The following CSNK1A1 variants were observed in gnomAD, a reference collection of about 807,000 sequenced individuals.
CSNK1A1 encodes the protein casein kinase I isoform alpha.
CSNK1A1 carries 7 observed loss-of-function variants against 46.1 expected under a neutral mutation model. That is an observed-to-expected ratio of 0.15 (90% CI 0.09 to 0.29). CSNK1A1 has a LOEUF of 0.29. CSNK1A1 is among the 10% of genes least tolerant of loss of function. The probability of loss-of-function intolerance (pLI) is 1.00; values close to 1 mark genes in which losing one functional copy is unlikely to be tolerated. For synonymous variants in CSNK1A1, 137 were observed against 141.5 expected (o/e 0.97, Z 0.23); for missense variants, 96 against 417.1 (o/e 0.23, Z 6.71).
At position 149,514,354 on chromosome 5, in the gene CSNK1A1, G is replaced by T. The variant is rs79933543; in HGVS notation, c.457-1145C>A. On this transcript the variant is annotated intron_variant, in intron 4 of 9. Transcript: ENST00000377843. The stretch of plus-strand genomic sequence containing the variant: ...AGTAAATAACTATTTTTATGAAAAA[G>T]AAATCCAAAACATATTCATATTTAC... 8.2e-3 allele frequency among the ~76,000 whole-genome samples: 1,252 copies of T among 152,218 alleles called. 12 individuals carry two copies. The highest frequency in any genetic ancestry group is 0.023 in the African/African-American group (965 of 41,546).
At chr5:149,526,368 C>A (rs1166092859) in intron 2 of CSNK1A1, among the ~76,000 whole-genome samples, 1 of 152,126 alleles carries the variant, frequency 6.6e-6, no homozygotes, top group Non-Finnish European at 1.5e-5. Flanking sequence ...AGTCTCCCTA[C>A]GTTGCCCAGG....
intron 6 of CSNK1A1, among the ~76,000 whole-genome samples, chr5:149,510,916 T>C (rs1237761253): frequency 2.0e-5 from 3 of 152,230 alleles, no homozygotes; most frequent in South Asian, 2.1e-4. Flanking sequence ...AAACTAAAAA[T>C]ACTCATATTA....
intron 2 of CSNK1A1, among the ~76,000 whole-genome samples, chr5:149,544,291 C>A (rs1022841154): frequency 3.3e-5 from 5 of 151,968 alleles, no homozygotes; most frequent in Non-Finnish European, 5.9e-5. Flanking sequence ...TGTAGATGAC[C>A]CAGTCAATAT....
intron 2 of CSNK1A1, among the ~76,000 whole-genome samples, chr5:149,546,055 ATT>A (rs778357270): frequency 1.4e-5 from 2 of 141,452 alleles, no homozygotes; most frequent in Non-Finnish European, 1.6e-5. Flanking sequence ...CACCAGGCTA[ATT>A]TTTTTTTTTT....
chr5:149,538,111 C>T (rs1168922828), intron 2 of CSNK1A1, among the ~76,000 whole-genome samples: 1 of 150,936 alleles, frequency 6.6e-6, no homozygotes, highest in Non-Finnish European at 1.5e-5. Context: ...CAACCTCCGC[C>T]TCCCAGGTTC....
rs938068966 is a variant in CSNK1A1 at position 149,551,198 on chromosome 5, C to G, written c.-234G>C. ...TTTGTGAAGGGCTTCTCGGCGGTTACCAGGCTGGGCCACTTGTTTCTCGGC... is the reference window on the plus strand; with the variant it reads ...TTTGTGAAGGGCTTCTCGGCGGTTAGCAGGCTGGGCCACTTGTTTCTCGGC... On this transcript the variant is annotated 5_prime_UTR_variant, in exon 1 of 10. Transcript: ENST00000377843. The G allele has an allele frequency of 5.5e-6, 2 of 364,864 alleles. No homozygotes were observed. Among genetic ancestry groups the G allele is most frequent in the African/African-American group, 4.2e-5 (2 of 47,254 alleles). 22.6% of individuals were successfully genotyped at this position (364,864 alleles called of 1,614,324 possible).
In CSNK1A1 at chr5:149,493,464, T is replaced by A. The variant is rs1383401501; in HGVS notation, c.*3389A>T. ...ATCCCAGGAGCCATTATTACTCTACTTTTGAGTATGTCCTCAAAACTGGTC... is the reference window on the plus strand; with the variant it reads ...ATCCCAGGAGCCATTATTACTCTACATTTGAGTATGTCCTCAAAACTGGTC... On this transcript the variant is annotated 3_prime_UTR_variant, in exon 10 of 10. Coordinates refer to ENST00000377843, the MANE Select transcript of CSNK1A1 (RefSeq NM_001892.6). 2 of 151,840 alleles carry A rather than the reference T, an allele frequency of 1.3e-5. No individual in the cohort carries two copies. The highest frequency in any genetic ancestry group is 2.9e-5 in the Non-Finnish European group (2 of 67,980). The allele number at this position is 151,840 out of a possible 1,614,324, so 9.4% of individuals were successfully genotyped here.
rs967227011 is a variant in CSNK1A1 at position 149,496,547 on chromosome 5, T to C, written c.*306A>G. On this transcript the variant is annotated 3_prime_UTR_variant, in exon 10 of 10. Transcript: ENST00000377843. ...AACAAAAAATTGGCATATGCACAAT[T>C]TCTCCACCAATTTTTGTGTGTCAAC... The C allele has an allele frequency of 2.6e-6, 1 of 386,166 alleles. No homozygotes were observed. The highest frequency in any genetic ancestry group is 4.6e-6 in the Non-Finnish European group (1 of 216,248). 23.9% of individuals were successfully genotyped at this position (386,166 alleles called of 1,614,324 possible).
At chr5:149,528,452 G>T (rs925822784) in intron 2 of CSNK1A1, among the ~76,000 whole-genome samples, 1 of 152,112 alleles carries the variant, frequency 6.6e-6, no homozygotes, top group Non-Finnish European at 1.5e-5. Context: ...AAGCTAGAAC[G>T]TCACACCCTC....
intron 8 of CSNK1A1, 111 bp from the exon 9 acceptor site, chr5:149,505,706 T>A: frequency 1.2e-6 from 1 of 859,446 alleles, no homozygotes; most frequent in Non-Finnish European, 1.8e-6. Context: ...GAATATTTCC[T>A]CAAGTGTGGC....
rs1479436518 is a variant in CSNK1A1 at position 149,517,958 on chromosome 5, C to T, written c.456+2332G>A. 2.4e-6 allele frequency: 2 copies of T among 850,016 alleles called. No individual in the cohort carries two copies. Among genetic ancestry groups the T allele is most frequent in the African/African-American group, 1.7e-5 (1 of 59,552 alleles). The allele number at this position is 850,016 out of a possible 1,614,324, so 52.7% of individuals were successfully genotyped here. ...AATGGCCGGCGCAGACAGGCAACAC[C>T]GAGGCATTAGAGAAAGAACAGGGTA... On this transcript the variant is annotated intron_variant, in intron 4 of 9. Transcript: ENST00000377843. This position sits in a 1 kb window ranked among gnomAD's most constrained non-coding sequence, Gnocchi z 4.4.
chr5:149,526,209 C>G (rs1408597589), intron 2 of CSNK1A1, among the ~76,000 whole-genome samples: 1 of 152,136 alleles, frequency 6.6e-6, no homozygotes, highest in Non-Finnish European at 1.5e-5. Context: ...CAAATCACAA[C>G]TCCTGCAGCC....
In CSNK1A1 at chr5:149,503,721, C is replaced by T. The variant is rs139676003; in HGVS notation, c.1006+1726G>A. 1,124 of 985,350 alleles carry T rather than the reference C, an allele frequency of 1.1e-3. 11 individuals carry two copies. In the African/African-American group the frequency reaches 0.018, roughly 16 times the overall value. The allele number at this position is 985,350 out of a possible 1,614,324, so 61.0% of individuals were successfully genotyped here. ...TTTAAGACATGGATAGGGCAGGACACAAATTCTGCTTGTTTATTGAATAAG... is the reference window on the plus strand; with the variant it reads ...TTTAAGACATGGATAGGGCAGGACATAAATTCTGCTTGTTTATTGAATAAG... On this transcript the variant is annotated intron_variant, in intron 9 of 9. Coordinates refer to ENST00000377843, the MANE Select transcript of CSNK1A1 (RefSeq NM_001892.6).
At chr5:149,510,980 A>G (rs1399878427) in intron 6 of CSNK1A1, among the ~76,000 whole-genome samples, 3 of 152,164 alleles carry the variant, frequency 2.0e-5, no homozygotes, top group African/African-American at 2.4e-5. Context: ...CAGCCACTCA[A>G]TAAATACAGG....
At chr5:149,497,343 A>T in intron 9 of CSNK1A1, 8 of 987,314 alleles carry the variant, frequency 8.1e-6, no homozygotes, top group Non-Finnish European at 9.6e-6. Context: ...TTTACTAAAC[A>T]AAGACCTGAG....
At chr5:149,505,133 A>C (rs1760981961) in intron 9 of CSNK1A1, 1 of 1,029,334 alleles carries the variant, frequency 9.7e-7, no homozygotes, top group East Asian at 8.3e-5. Flanking sequence ...CCAACACCAA[A>C]TTTTTGGAAA....
At position 149,520,273 on chromosome 5, in the gene CSNK1A1, A is replaced by AAG. The variant is rs1381010135; in HGVS notation, c.456+15_456+16dup. 6.8e-7 allele frequency: 1 copy of AAG among 1,463,186 alleles called. No homozygotes were observed. Among genetic ancestry groups the AAG allele is most frequent in the African/African-American group, 1.4e-5 (1 of 71,454 alleles). The allele number at this position is 1,463,186 out of a possible 1,614,324, so 90.6% of individuals were successfully genotyped here. A position where few individuals can be genotyped will look rare whatever the true frequency, so the allele number is the denominator to read the frequency against. On this transcript the variant is annotated intron_variant, in intron 4 of 9. Coordinates refer to ENST00000377843, the MANE Select transcript of CSNK1A1 (RefSeq NM_001892.6). ...ACTTTACTCTTTGTTCTTTCATGCA[A>AAG]AGAGCATTTGACTAACCTTATTACA...
intron 9 of CSNK1A1, chr5:149,503,737 A>G (rs1031080237): frequency 1.0e-6 from 1 of 985,296 alleles, no homozygotes; most frequent in African/African-American, 1.7e-5. Flanking sequence ...CTGCTTGTTT[A>G]TTGAATAAGA....
chr5:149,529,722 G>A (rs1030610945), intron 2 of CSNK1A1: 2 of 456,220 alleles, frequency 4.4e-6, no homozygotes, highest in Non-Finnish European at 8.8e-6. Flanking sequence ...TTTACATGCT[G>A]TAAATAATTG....
Sources: gnomAD v4.1 joint callset for allele counts (sites outside exome capture counted in the v4.1 genomes callset) on GRCh38, gnomAD v4.1.1 for gene constraint, Gnocchi (gnomAD v3.1) non-coding constraint, MANE v1.5 for transcripts, NCBI Gene and HGNC (gene_info 2026-07-23, HGNC 2026-07-21) for gene names.